ICMT: variants seen among roughly 807,000 people sequenced by gnomAD.
ICMT encodes the protein protein-S-isoprenylcysteine O-methyltransferase.
A neutral mutation model predicts 32.2 loss-of-function variants in ICMT; 10 were observed. The observed-to-expected ratio is 0.31, with a 90% CI of 0.19 to 0.53. The LOEUF (loss-of-function observed/expected upper bound fraction) is 0.53. ICMT is among the 20% of genes least tolerant of loss of function. The pLI, the probability that ICMT is intolerant of heterozygous loss-of-function variation, is 0.96. For synonymous variants in ICMT, 183 were observed against 158.2 expected (o/e 1.16, Z -1.18); for missense variants, 265 against 356.9 (o/e 0.74, Z 2.07).
chr1:6,233,406 G>A, intron 3 of ICMT, 68 bp downstream of exon 3: 1 of 1,423,570 alleles, frequency 7.0e-7, no homozygotes, highest in East Asian at 2.3e-5. Flanking sequence ...GTGAATCAAT[G>A]TCACTGTCCT....
chr1:6,235,677 C>T, intron 1 of ICMT, 40 bp downstream of exon 1: 1 of 1,142,222 alleles, frequency 8.8e-7, no homozygotes, highest in Non-Finnish European at 1.1e-6. Flanking sequence ...CGGACCGCCG[C>T]CCGCCCCGCC....
rs1668577801 is a variant in ICMT, at chr1:6,222,859, G to A, written c.*2221C>T. ...CTCAAAGAGCCGGGGCAGGATGCCA[G>A]AATCTAACTACATCCTCTCCCGGTT... On this transcript the variant is annotated 3_prime_UTR_variant, in exon 5 of 5. Transcript: ENST00000343813. The A allele has an allele frequency of 2.0e-5, 3 of 152,266 alleles. No individual in the cohort carries two copies. The highest frequency in any genetic ancestry group is 4.4e-5 in the Non-Finnish European group (3 of 68,046). The allele number at this position is 152,266 out of a possible 1,614,324, so 9.4% of individuals were successfully genotyped here.
chr1:6,227,209 A>T (rs1005882966), intron 4 of ICMT, among the ~76,000 whole-genome samples: 3 of 152,242 alleles, frequency 2.0e-5, no homozygotes, highest in African/African-American at 4.8e-5. Flanking sequence ...AGGTATGGAA[A>T]ACCCTTTGGT....
intron 4 of ICMT, among the ~76,000 whole-genome samples, chr1:6,230,559 C>T (rs1417253338): frequency 7.1e-6 from 1 of 141,470 alleles, no homozygotes. Flanking sequence ...GCACTCCAGG[C>T]TGGGCAACAC....
rs1001914999 is a variant in ICMT, at chr1:6,225,164, G to C, written c.771C>G (p.His257Gln). The change falls in exon 5 of 5, where the codon CAC (histidine) becomes CAG (glutamine). Residue 257 changes from histidine to glutamine, a missense_variant. This residue lies in a region of ICMT where 166 missense variants were observed against 264.3 expected (regional missense o/e 0.63). Coordinates refer to ENST00000343813, the MANE Select transcript of ICMT (RefSeq NM_012405.4). ...RTEEEEISLIHFFGEEYLEYK... is the reference protein window; with the variant it reads ...RTEEEEISLIQFFGEEYLEYK... ...ACTCCAGGTACTCCTCTCCAAAAAAGTGAATTAGTGAGATTTCTTCTTCTT... is the reference window on the plus strand; with the variant it reads ...ACTCCAGGTACTCCTCTCCAAAAAACTGAATTAGTGAGATTTCTTCTTCTT... 1.9e-6 allele frequency: 3 copies of C among 1,614,026 alleles called. No homozygotes were observed. Among genetic ancestry groups the C allele is most frequent in the Non-Finnish European group, 2.5e-6 (3 of 1,180,024 alleles).
intron 4 of ICMT, among the ~76,000 whole-genome samples, chr1:6,230,333 T>A (rs1668713607): frequency 6.6e-6 from 1 of 152,156 alleles, no homozygotes; most frequent in Admixed American, 6.5e-5. Flanking sequence ...TAGGCTTGTC[T>A]CAAACTCCTG....
chr1:6,235,470 G>C (rs925722400), intron 1 of ICMT, among the ~76,000 whole-genome samples: 1 of 152,098 alleles, frequency 6.6e-6, no homozygotes, highest in African/African-American at 2.4e-5. Flanking sequence ...AAAAGCACTC[G>C]CGGGCTCGCT....
intron 2 of ICMT, 91 bp downstream of exon 2, chr1:6,234,795 A>G: frequency 1.0e-6 from 1 of 966,632 alleles, no homozygotes; most frequent in South Asian, 1.3e-5. Flanking sequence ...TCTGCCGGTC[A>G]CAGATGAGAC....
At position 6,223,325 on chromosome 1, in the gene ICMT, T is replaced by C. The variant is rs1668590390; in HGVS notation, c.*1755A>G. On this transcript the variant is annotated 3_prime_UTR_variant, in exon 5 of 5. Coordinates refer to ENST00000343813, the MANE Select transcript of ICMT (RefSeq NM_012405.4). ...GGTTTTATCATGTTGGCCAGGCTGG[T>C]CTCGAACGCCTGACCTCATGATCCA... 6.6e-6 allele frequency: 1 copy of C among 152,212 alleles called. No homozygotes were observed. The highest frequency in any genetic ancestry group is 2.4e-5 in the African/African-American group (1 of 41,442). 9.4% of individuals were successfully genotyped at this position (152,212 alleles called of 1,614,324 possible). A position where few individuals can be genotyped will look rare whatever the true frequency, so the allele number is the denominator to read the frequency against.
chr1:6,233,168 T>A (rs1668764242), intron 3 of ICMT, among the ~76,000 whole-genome samples: 1 of 152,254 alleles, frequency 6.6e-6, no homozygotes, highest in Admixed American at 6.5e-5. Flanking sequence ...AACTCTTACA[T>A]GAAACGTCTA....
intron 4 of ICMT, among the ~76,000 whole-genome samples, chr1:6,225,600 A>G (rs907330015): frequency 7.2e-5 from 11 of 152,060 alleles, no homozygotes; most frequent in Admixed American, 6.6e-5. Flanking sequence ...CTTCCTGCCC[A>G]GGACCCTCCC....
rs569303193 is a variant in ICMT, at chr1:6,224,822, G to A, written c.*258C>T. The A allele has an allele frequency of 3.5e-5, 15 of 427,744 alleles. No individual in the cohort carries two copies. Among genetic ancestry groups the A allele is most frequent in the South Asian group, 1.8e-4 (5 of 27,526 alleles). The allele number at this position is 427,744 out of a possible 1,614,324, so 26.5% of individuals were successfully genotyped here. A position where few individuals can be genotyped will look rare whatever the true frequency, so the allele number is the denominator to read the frequency against. On this transcript the variant is annotated 3_prime_UTR_variant, in exon 5 of 5. Transcript: ENST00000343813. ...TCCTCCCCAGGTAACTCTGGAGGGC[G>A]CTGTGGAATATTGCTGTGATTTGCC... is the stretch of plus-strand genomic sequence containing the variant.
At position 6,235,945 on chromosome 1, in the gene ICMT, C is replaced by T. The variant is rs111601881; in HGVS notation, c.-34G>A. On this transcript the variant is annotated 5_prime_UTR_variant, in exon 1 of 5. Transcript: ENST00000343813. The stretch of plus-strand genomic sequence containing the variant: ...GCGGCGGACTAGCGGGCGGCGGCGC[C>T]GGCTGTAGCCCGGAGAAACGCGCCG... 4 of 1,070,798 alleles carry T rather than the reference C, an allele frequency of 3.7e-6. No individual in the cohort carries two copies. Among genetic ancestry groups the T allele is most frequent in the African/African-American group, 1.7e-5 (1 of 59,564 alleles). The allele number at this position is 1,070,798 out of a possible 1,614,324, so 66.3% of individuals were successfully genotyped here.
In ICMT at chr1:6,226,731, T is replaced by C. The variant is rs533786177; in HGVS notation, c.673-1469A>G. 2.6e-5 allele frequency among the ~76,000 whole-genome samples: 4 copies of C among 152,278 alleles called. No homozygotes were observed. In the South Asian group the frequency reaches 8.3e-4, roughly 32 times the overall value. On this transcript the variant is annotated intron_variant, in intron 4 of 4. Coordinates refer to ENST00000343813, the MANE Select transcript of ICMT (RefSeq NM_012405.4). The stretch of plus-strand genomic sequence containing the variant: ...TGAGGGCACGCTACTATCCCCACTT[T>C]GTTTTTTTTAAAATTTTATTATTTT...
chr1:6,234,342 T>A, intron 2 of ICMT: 1 of 390,514 alleles, frequency 2.6e-6, no homozygotes, highest in Non-Finnish European at 5.0e-6. Context: ...AAAACTGAAA[T>A]AATTCCGGCA....
intron 1 of ICMT, 101 bp from the exon 2 acceptor site, chr1:6,235,075 G>A (rs1668799377): frequency 4.5e-6 from 4 of 884,076 alleles, no homozygotes; most frequent in Non-Finnish European, 7.3e-6. Flanking sequence ...CAAGCAGATA[G>A]AGCCGATTTG....
intron 4 of ICMT, 48 bp downstream of exon 4, chr1:6,231,854 T>C (rs1346221298): frequency 2.6e-6 from 3 of 1,149,934 alleles, no homozygotes; most frequent in Non-Finnish European, 3.7e-6. Context: ...TTTAAAATGT[T>C]ACTTAAAAAA....
chr1:6,226,942 T>G (rs1668653396), intron 4 of ICMT, among the ~76,000 whole-genome samples: 1 of 152,194 alleles, frequency 6.6e-6, no homozygotes, highest in Non-Finnish European at 1.5e-5. Context: ...ACTGGCCCAG[T>G]CAGTGACTCC....
At chr1:6,229,026 C>CT (rs200580331) in intron 4 of ICMT, among the ~76,000 whole-genome samples, 1 of 143,806 alleles carries the variant, frequency 7.0e-6, no homozygotes, top group African/African-American at 2.6e-5. Context: ...AAGTGAGACT[C>CT]TGTCTCAAAA....
Sources: allele counts gnomAD v4.1 joint callset (sites outside exome capture counted in the v4.1 genomes callset), GRCh38; gene constraint gnomAD v4.1.1; regional missense constraint gnomAD v4.1.1; transcripts MANE v1.5; gene names NCBI Gene and HGNC (gene_info 2026-07-23, HGNC 2026-07-21).